Variants in FOSL2 observed in about 807,000 individuals in gnomAD.
FOSL2 encodes the protein FOS like 2, AP-1 transcription factor subunit.
In FOSL2, 3 loss-of-function variants were observed where a neutral mutation model predicts 27.7. That is an observed-to-expected ratio of 0.11 (90% CI 0.05 to 0.28). The LOEUF is 0.28. FOSL2 is among the 10% of genes least tolerant of loss of function. The probability of loss-of-function intolerance (pLI) is 1.00; values close to 1 mark genes in which losing one functional copy is unlikely to be tolerated. For synonymous variants in FOSL2, 179 were observed against 190.1 expected, an observed-to-expected ratio of 0.94 and a Z score of 0.48; for missense variants, 333 against 445.1, an observed-to-expected ratio of 0.75 and a Z score of 2.27.
chr2:28,403,115 C>T (rs1233653491), intron 1 of FOSL2, among the ~76,000 whole-genome samples: 1 of 152,142 alleles, frequency 6.6e-6, no homozygotes, highest in Non-Finnish European at 1.5e-5. Flanking sequence ...GGGGGACTTG[C>T]CTCTGAAAAG....
At position 28,412,771 on chromosome 2, in the gene FOSL2, G is replaced by C; in HGVS notation, c.*323G>C. ...CCTGAAGCTGGCCTGGACCATTCCT[G>C]TCCCTTTGTTACCATACTGTCTCTG... On this transcript the variant is annotated 3_prime_UTR_variant, in exon 4 of 4. Transcript: ENST00000264716. This position sits in a 1 kb window ranked among gnomAD's most constrained non-coding sequence, Gnocchi z 7.1. 1 of 332,074 alleles carries C rather than the reference G, an allele frequency of 3.0e-6. No individual in the cohort carries two copies. The highest frequency in any genetic ancestry group is 5.1e-5 in the East Asian group (1 of 19,718). 20.6% of individuals were successfully genotyped at this position (332,074 alleles called of 1,614,324 possible).
In FOSL2 at chr2:28,408,104, A is replaced by G. The variant is rs967217220; in HGVS notation, c.355-655A>G. 1.3e-5 allele frequency among the ~76,000 whole-genome samples: 2 copies of G among 152,128 alleles called. No homozygotes were observed. The highest frequency in any genetic ancestry group is 2.9e-5 in the Non-Finnish European group (2 of 68,014). On this transcript the variant is annotated intron_variant, in intron 2 of 3. Coordinates refer to ENST00000264716, the MANE Select transcript of FOSL2 (RefSeq NM_005253.4). This position sits in a 1 kb window ranked among gnomAD's most constrained non-coding sequence, Gnocchi z 4.1. ...TTTTGCATGTCCTGTCCAACTTAGC[A>G]CTGTACCAGGCATGTGGGGGAGTAC...
At chr2:28,395,077 A>G (rs993925722) in intron 1 of FOSL2, among the ~76,000 whole-genome samples, 5 of 152,278 alleles carry the variant, frequency 3.3e-5, no homozygotes, top group East Asian at 1.9e-4. Flanking sequence ...TCTGCCTCCC[A>G]TGGTGCTCCT....
At chr2:28,397,596 A>G (rs1275751581) in intron 1 of FOSL2, among the ~76,000 whole-genome samples, 1 of 152,236 alleles carries the variant, frequency 6.6e-6, no homozygotes, top group East Asian at 1.9e-4. Flanking sequence ...GTGCATTTCC[A>G]CTACCCATTT....
chr2:28,404,449 T>G lies in FOSL2; in HGVS notation c.354+91T>G. 36 of 1,466,938 alleles carry G rather than the reference T, an allele frequency of 2.5e-5. No individual in the cohort carries two copies. The highest frequency in any genetic ancestry group is 2.7e-5 in the Non-Finnish European group (29 of 1,083,338). 90.9% of individuals were successfully genotyped at this position (1,466,938 alleles called of 1,614,324 possible). A position where few individuals can be genotyped will look rare whatever the true frequency, so the allele number is the denominator to read the frequency against. ...GGTTTCTGCAGACTGGGAGGGTTAA[T>G]GTTCTGAGAGCAGGGGAGACAAGGG... is the stretch of plus-strand genomic sequence containing the variant. On this transcript the variant is annotated intron_variant, in intron 2 of 3. Coordinates refer to ENST00000264716, the MANE Select transcript of FOSL2 (RefSeq NM_005253.4). The surrounding 1 kb of genome is among the most constrained non-coding windows in gnomAD (Gnocchi z 4.7).
At chr2:28,409,484 G>A (rs993452682) in intron 3 of FOSL2, among the ~76,000 whole-genome samples, 3 of 152,156 alleles carry the variant, frequency 2.0e-5, no homozygotes, top group Admixed American at 6.5e-5. Flanking sequence ...CTCCCGTGCC[G>A]CCTAATTGCC....
At chr2:28,405,945 G>A (rs1044916646) in intron 2 of FOSL2, among the ~76,000 whole-genome samples, 1 of 152,088 alleles carries the variant, frequency 6.6e-6, no homozygotes, top group African/African-American at 2.4e-5. Context: ...GGACTCTTCT[G>A]GGATATAAGT....
At chr2:28,401,455 C>T (rs1239751490) in intron 1 of FOSL2, among the ~76,000 whole-genome samples, 3 of 152,072 alleles carry the variant, frequency 2.0e-5, no homozygotes, top group Non-Finnish European at 2.9e-5. Context: ...ATGAGTATTC[C>T]CCTTTACATC....
intron 1 of FOSL2, among the ~76,000 whole-genome samples, chr2:28,401,112 C>G (rs898533818): frequency 8.5e-5 from 13 of 152,074 alleles, no homozygotes; most frequent in African/African-American, 3.1e-4. Context: ...GGCACTTCTC[C>G]CCAGAGCCTC....
chr2:28,405,355 C>T (rs906246535), intron 2 of FOSL2, among the ~76,000 whole-genome samples: 4 of 152,224 alleles, frequency 2.6e-5, no homozygotes, highest in African/African-American at 4.8e-5. Context: ...AGTATTCTTT[C>T]TCCAGGGCTA....
chr2:28,410,840 A>G (rs984967631), intron 3 of FOSL2, among the ~76,000 whole-genome samples: 1 of 152,136 alleles, frequency 6.6e-6, no homozygotes, highest in Admixed American at 6.5e-5. Context: ...GAGTCCTGAA[A>G]TATGTGCTTA....
rs1172331608 is a variant in FOSL2, at chr2:28,416,178, T to A, written c.*3730T>A. On this transcript the variant is annotated 3_prime_UTR_variant, in exon 4 of 4. Transcript: ENST00000264716. Reference sequence around the variant, plus strand: ...TCCAGGCGTGCCTGTGTCCTGTAGCTTTTTAAAAGGAAACCCAGTCATCCC... The same window carrying A: ...TCCAGGCGTGCCTGTGTCCTGTAGCATTTTAAAAGGAAACCCAGTCATCCC... The A allele has an allele frequency of 2.6e-5, 4 of 152,088 alleles. No homozygotes were observed. In the East Asian group the frequency reaches 7.7e-4, roughly 29 times the overall value. 9.4% of individuals were successfully genotyped at this position (152,088 alleles called of 1,614,324 possible).
At chr2:28,396,723 G>A (rs1335948735) in intron 1 of FOSL2, 2 of 150,898 alleles carry the variant, frequency 1.3e-5, no homozygotes, top group African/African-American at 4.9e-5. Flanking sequence ...ATCAAGGGCA[G>A]TATTTCCTTT....
chr2:28,397,907 C>A (rs1663887447), intron 1 of FOSL2, among the ~76,000 whole-genome samples: 1 of 152,340 alleles, frequency 6.6e-6, no homozygotes, highest in Admixed American at 6.5e-5. Flanking sequence ...TTACCAAAAG[C>A]CTCTTTGGAG....
In FOSL2 at chr2:28,415,568, G is replaced by A. The variant is rs1261337625; in HGVS notation, c.*3120G>A. The A allele has an allele frequency of 1.3e-5, 2 of 152,174 alleles. No individual in the cohort carries two copies. The highest frequency in any genetic ancestry group is 4.8e-5 in the African/African-American group (2 of 41,440). The allele number at this position is 152,174 out of a possible 1,614,324, so 9.4% of individuals were successfully genotyped here. On this transcript the variant is annotated 3_prime_UTR_variant, in exon 4 of 4. Transcript: ENST00000264716. Reference sequence around the variant, plus strand: ...GTGTGGTTGAATTGTCTGGAGCACTGGGACTTTTTTTCTCTTTTCCTTGAT... The same window carrying A: ...GTGTGGTTGAATTGTCTGGAGCACTAGGACTTTTTTTCTCTTTTCCTTGAT...
chr2:28,413,755 A>T lies in FOSL2; in HGVS notation c.*1307A>T, dbSNP rs1384766123. 2 of 398,772 alleles carry T rather than the reference A, an allele frequency of 5.0e-6. No homozygotes were observed. The highest frequency in any genetic ancestry group is 8.8e-6 in the Non-Finnish European group (2 of 226,296). The allele number at this position is 398,772 out of a possible 1,614,324, so 24.7% of individuals were successfully genotyped here. On this transcript the variant is annotated 3_prime_UTR_variant, in exon 4 of 4. Coordinates refer to ENST00000264716, the MANE Select transcript of FOSL2 (RefSeq NM_005253.4). ...TTTTACACTCCCCTGTCCCCACCCC[A>T]GTGCACTCTTCTGGCCCAGGCAGCA...
intron 1 of FOSL2, among the ~76,000 whole-genome samples, chr2:28,402,158 T>C (rs1452155621): frequency 2.0e-5 from 3 of 152,078 alleles, no homozygotes; most frequent in Non-Finnish European, 4.4e-5. Flanking sequence ...TCTAGGTGGC[T>C]CTCCTCCCGA....
chr2:28,413,832 C>T lies in FOSL2; in HGVS notation c.*1384C>T, dbSNP rs1245288693. ...CTGTCGCTGTGGCTTGTGGCTCATG[C>T]GCCATTCCTGGTTGTCTGTTGAATC... On this transcript the variant is annotated 3_prime_UTR_variant, in exon 4 of 4. Transcript: ENST00000264716. 1.8e-5 allele frequency: 7 copies of T among 398,754 alleles called. No individual in the cohort carries two copies. Among genetic ancestry groups the T allele is most frequent in the East Asian group, 7.1e-5 (2 of 28,098 alleles). 24.7% of individuals were successfully genotyped at this position (398,754 alleles called of 1,614,324 possible).
At position 28,393,829 on chromosome 2, in the gene FOSL2, G is replaced by C. The variant is rs745669106; in HGVS notation, c.102+7G>C. 52 of 1,583,590 alleles carry C rather than the reference G, an allele frequency of 3.3e-5. No homozygotes were observed. The Middle Eastern group carries it at 8.3e-4, about 25-fold the overall frequency. On this transcript the variant is annotated splice_region_variant and intron_variant, in intron 1 of 3. Transcript: ENST00000264716. This position sits in a 1 kb window ranked among gnomAD's most constrained non-coding sequence, Gnocchi z 4.6. ...CGGCGGCGGCGGCCAGCAGGTAGGTGCGGGCCCCGGTGCACCTGGCGGCGC... is the reference window on the plus strand; with the variant it reads ...CGGCGGCGGCGGCCAGCAGGTAGGTCCGGGCCCCGGTGCACCTGGCGGCGC...
Sources: gnomAD v4.1 joint callset for allele counts (sites outside exome capture counted in the v4.1 genomes callset) on GRCh38, gnomAD v4.1.1 for gene constraint, Gnocchi (gnomAD v3.1) non-coding constraint, MANE v1.5 for transcripts, NCBI Gene and HGNC (gene_info 2026-07-23, HGNC 2026-07-21) for gene names.